DYRK1A: variants seen among roughly 807,000 people sequenced by gnomAD.
The protein encoded by DYRK1A is dual specificity tyrosine-phosphorylation-regulated kinase 1A.
Under a neutral mutation model 79.7 loss-of-function variants are expected in DYRK1A, and 9 were observed. The observed-to-expected ratio is 0.11, with a 90% CI of 0.07 to 0.20. The LOEUF (loss-of-function observed/expected upper bound fraction) is 0.20, where lower values mean the gene tolerates loss of function less well. Among genes scored for constraint, DYRK1A ranks in the 10% least tolerant of loss-of-function variants. The probability of loss-of-function intolerance (pLI) is 1.00; values close to 1 mark genes in which losing one functional copy is unlikely to be tolerated. For missense variants in DYRK1A, 622 were observed against 956.0 expected (o/e 0.65, Z 4.61); for synonymous variants, 349 against 329.7 (o/e 1.06, Z -0.63).
rs2053906490 is a variant in DYRK1A at position 37,518,784 on chromosome 21, A to C, written c.*6253A>C. On this transcript the variant is annotated 3_prime_UTR_variant, in exon 12 of 12. Transcript: ENST00000647188. Reference sequence around the variant, plus strand: ...GTGCACACCACCACACCCAGCTAATAGTATTTTTGATAGAGAGGGGGTTTC... The same window carrying C: ...GTGCACACCACCACACCCAGCTAATCGTATTTTTGATAGAGAGGGGGTTTC... 6.6e-6 allele frequency: 1 copy of C among 151,008 alleles called. No homozygotes were observed. The highest frequency in any genetic ancestry group is 2.1e-4 in the South Asian group (1 of 4,748). The allele number at this position is 151,008 out of a possible 1,614,324, so 9.4% of individuals were successfully genotyped here. A position where few individuals can be genotyped will look rare whatever the true frequency, so the allele number is the denominator to read the frequency against.
chr21:37,493,244 G>A, intron 8 of DYRK1A, 81 bp downstream of exon 8: 2 of 1,417,878 alleles, frequency 1.4e-6, no homozygotes, highest in Non-Finnish European at 1.9e-6. Context: ...TTTAAAAGTT[G>A]TTTTTAGGCA....
Position 37,437,580 on chromosome 21 carries a change from T to C in DYRK1A, c.10+17196T>C, listed in dbSNP as rs147862141. ...TTACCACAAGTCAGATAATGAAGAT[T>C]TATTACTTCACTTGTTCCAGAATTT... On this transcript the variant is annotated intron_variant, in intron 2 of 11. Coordinates refer to ENST00000647188, the MANE Select transcript of DYRK1A (RefSeq NM_001347721.2). Among the ~76,000 whole-genome samples, 1,286 of 152,346 alleles carry C rather than the reference T, an allele frequency of 8.4e-3. 14 individuals are homozygous for C. Among genetic ancestry groups the C allele is most frequent in the South Asian group, 0.019 (94 of 4,826 alleles).
rs553739944 is a variant in DYRK1A, at chr21:37,396,637, T to C, written c.-76-23662T>C. On this transcript the variant is annotated intron_variant, in intron 1 of 11. Coordinates refer to ENST00000647188, the MANE Select transcript of DYRK1A (RefSeq NM_001347721.2). Reference sequence around the variant, plus strand: ...AGTTAAGAGACCTGGCATCAACTATTCTTACTACCTACCATGTTTTAAAAT... The same window carrying C: ...AGTTAAGAGACCTGGCATCAACTATCCTTACTACCTACCATGTTTTAAAAT... Among the ~76,000 whole-genome samples, 11 of 152,262 alleles carry C rather than the reference T, an allele frequency of 7.2e-5. No individual in the cohort carries two copies. The East Asian group carries it at 1.5e-3, about 21-fold the overall frequency.
chr21:37,423,857 G>A (rs1346598516), intron 2 of DYRK1A, among the ~76,000 whole-genome samples: 1 of 151,924 alleles, frequency 6.6e-6, no homozygotes, highest in African/African-American at 2.4e-5. Context: ...TAATTCTTAT[G>A]CATACACTAT....
At chr21:37,387,940 GA>G (rs1174575441) in intron 1 of DYRK1A, among the ~76,000 whole-genome samples, 1 of 152,054 alleles carries the variant, frequency 6.6e-6, no homozygotes, top group African/African-American at 2.4e-5. Context: ...CAACACTATG[GA>G]AAAGGTAGAA....
intron 1 of DYRK1A, among the ~76,000 whole-genome samples, chr21:37,403,661 ATATGTGTGTGTGTG>A (rs1264565985): frequency 1.2e-3 from 131 of 113,374 alleles, no homozygotes; most frequent in African/African-American, 3.6e-3. Context: ...ATATATATAT[ATATGTGTGTGTGTG>A]TGTGTGTGTG....
chr21:37,372,090 TA>T (rs779829374), intron 1 of DYRK1A, among the ~76,000 whole-genome samples: 4 of 152,118 alleles, frequency 2.6e-5, no homozygotes, highest in Non-Finnish European at 4.4e-5. Flanking sequence ...TGCATGTCCG[TA>T]AAATGTTATG....
intron 9 of DYRK1A, among the ~76,000 whole-genome samples, chr21:37,499,153 C>CT (rs901275129): frequency 6.6e-6 from 1 of 151,896 alleles, no homozygotes; most frequent in Non-Finnish European, 1.5e-5. Flanking sequence ...TTGTTTGGTA[C>CT]TTTTTTTATC....
At chr21:37,383,837 A>ATGTGTGTGTGTGTG (rs112549944) in intron 1 of DYRK1A, among the ~76,000 whole-genome samples, 16 of 148,370 alleles carry the variant, frequency 1.1e-4, no homozygotes, top group Non-Finnish European at 6.0e-5. Flanking sequence ...GTAATGGTGT[A>ATGTGTGTGTGTGTG]TGTGTGTGTG....
rs1299760794 is a variant in DYRK1A at position 37,505,543 on chromosome 21, G to A, written c.1473G>A (p.Glu491=). Residue 491 remains glutamate (E), a synonymous_variant, in exon 10 of 12, where the codon GAG becomes GAA. Transcript: ENST00000647188. ...GTGTATCTACAAGCCCCGCCATGGA[G>A]CAGTCTCAGTCTTCGGGCACCACCT... ...SNSVSTSPAM[E]QSQSSGTTSS... 3 of 1,611,070 alleles carry A rather than the reference G, an allele frequency of 1.9e-6. No individual in the cohort carries two copies. The highest frequency in any genetic ancestry group is 2.2e-5 in the East Asian group (1 of 44,888).
At chr21:37,374,619 C>A (rs1260236111) in intron 1 of DYRK1A, among the ~76,000 whole-genome samples, 1 of 151,858 alleles carries the variant, frequency 6.6e-6, no homozygotes, top group Non-Finnish European at 1.5e-5. Flanking sequence ...GTGGTGCGAT[C>A]TCGGTTTACT....
At chr21:37,447,245 C>T (rs191726847) in intron 2 of DYRK1A, among the ~76,000 whole-genome samples, 18 of 152,166 alleles carry the variant, frequency 1.2e-4, no homozygotes, top group Admixed American at 4.6e-4. Context: ...AGCAGCACTT[C>T]CACCCTCAGG....
intron 3 of DYRK1A, 37 bp downstream of exon 3, chr21:37,472,917 G>T (rs1342640386): frequency 7.1e-7 from 1 of 1,400,986 alleles, no homozygotes; most frequent in Non-Finnish European, 9.5e-7. Context: ...CTATTGGAAT[G>T]GCAGTTTATT....
intron 2 of DYRK1A, among the ~76,000 whole-genome samples, chr21:37,457,407 G>T (rs2051688783): frequency 6.6e-6 from 1 of 152,048 alleles, no homozygotes; most frequent in Admixed American, 6.6e-5. Context: ...TTGTGTGTGT[G>T]TGTGTGTTTA....
chr21:37,401,098 C>G (rs773363287), intron 1 of DYRK1A, among the ~76,000 whole-genome samples: 1 of 151,900 alleles, frequency 6.6e-6, no homozygotes, highest in Non-Finnish European at 1.5e-5. Context: ...GAGCTGAGAT[C>G]GTGCCACTGC....
At chr21:37,444,855 C>T (rs987026746) in intron 2 of DYRK1A, among the ~76,000 whole-genome samples, 1 of 152,108 alleles carries the variant, frequency 6.6e-6, no homozygotes, top group Non-Finnish European at 1.5e-5. Flanking sequence ...AGAGAGAGCA[C>T]CAGCAGTTAG....
In DYRK1A at chr21:37,486,460, C is replaced by T; in HGVS notation, c.490-7C>T. The T allele has an allele frequency of 1.4e-6, 2 of 1,462,072 alleles. No individual in the cohort carries two copies. The highest frequency in any genetic ancestry group is 1.8e-6 in the Non-Finnish European group (2 of 1,105,206). 90.6% of individuals were successfully genotyped at this position (1,462,072 alleles called of 1,614,324 possible). ...TGAAATAGAGAATTATTCATCTTCT[C>T]TTTTAGGTTGTAAAGGCATATGATC... On this transcript the variant is annotated splice_region_variant and splice_polypyrimidine_tract_variant and intron_variant, in intron 5 of 11. Coordinates refer to ENST00000647188, the MANE Select transcript of DYRK1A (RefSeq NM_001347721.2).
intron 1 of DYRK1A, among the ~76,000 whole-genome samples, chr21:37,390,439 C>T (rs1216813557): frequency 2.0e-5 from 3 of 152,176 alleles, no homozygotes; most frequent in Admixed American, 6.5e-5. Context: ...ATCAAAGTAG[C>T]AGTTTAACAT....
At chr21:37,432,169 C>T (rs1334925311) in intron 2 of DYRK1A, among the ~76,000 whole-genome samples, 2 of 151,992 alleles carry the variant, frequency 1.3e-5, no homozygotes, top group Non-Finnish European at 2.9e-5. Context: ...ACTGAATTTT[C>T]ATAAGGTTCT....
Sources: allele counts gnomAD v4.1 joint callset (sites outside exome capture counted in the v4.1 genomes callset), GRCh38; gene constraint gnomAD v4.1.1; transcripts MANE v1.5; gene names NCBI Gene and HGNC (gene_info 2026-07-23, HGNC 2026-07-21).